PPARGC1A: variants seen among roughly 807,000 people sequenced by gnomAD.
PPARGC1A encodes the protein PPARG coactivator 1 alpha.
Under a neutral mutation model 88.7 loss-of-function variants are expected in PPARGC1A, and 25 were observed. That is an observed-to-expected ratio of 0.28 (90% confidence interval 0.21 to 0.39). PPARGC1A has a LOEUF of 0.39. Among genes scored for constraint, PPARGC1A ranks in the 10% least tolerant of loss-of-function variants. PPARGC1A has a pLI of 1.00. For missense variants in PPARGC1A, 880 were observed against 968.7 expected, an observed-to-expected ratio of 0.91 and a Z score of 1.22; for synonymous variants, 363 against 355.6, an observed-to-expected ratio of 1.02 and a Z score of -0.24.
chr4:24,159,185 C>G, the PPARGC1A span, among the ~76,000 whole-genome samples: 3 of 145,284 alleles, frequency 2.1e-5, no homozygotes, highest in Non-Finnish European at 4.5e-5. Flanking sequence ...ACATAAGAAA[C>G]TAAGGATCAA....
chr4:24,228,897 C>T, the PPARGC1A span, among the ~76,000 whole-genome samples: 1 of 152,164 alleles, frequency 6.6e-6, no homozygotes, highest in Non-Finnish European at 1.5e-5. Flanking sequence ...CAGTTATTGT[C>T]AGGGTTACTG....
chr4:24,232,225 A>G, the PPARGC1A span, among the ~76,000 whole-genome samples: 1 of 104,246 alleles, frequency 9.6e-6, no homozygotes, highest in African/African-American at 2.7e-5. Context: ...TTCTGGATTG[A>G]AAAAAAAAAT....
chr4:24,382,825 A>G, the PPARGC1A span, among the ~76,000 whole-genome samples: 1 of 152,188 alleles, frequency 6.6e-6, no homozygotes, highest in South Asian at 2.1e-4. Context: ...GCAGACTTAA[A>G]CGTTCCTGCT....
chr4:24,083,743 C>T, the PPARGC1A span, among the ~76,000 whole-genome samples: 4 of 152,196 alleles, frequency 2.6e-5, no homozygotes, highest in African/African-American at 7.2e-5. Flanking sequence ...ATCCCACATG[C>T]TTCTTCTGCT....
chr4:24,210,244 T>A, the PPARGC1A span, among the ~76,000 whole-genome samples: 2 of 152,226 alleles, frequency 1.3e-5, no homozygotes, highest in African/African-American at 4.8e-5. Flanking sequence ...AGATCACTGG[T>A]ATTAAAGTGC....
chr4:23,938,541 GGAGAGCA>G, the PPARGC1A span, among the ~76,000 whole-genome samples: 1 of 152,170 alleles, frequency 6.6e-6, no homozygotes, highest in Non-Finnish European at 1.5e-5. Flanking sequence ...GTACAATGAT[GGAGAGCA>G]GAGAATGATG....
At chr4:24,259,866 A>T in the PPARGC1A span, among the ~76,000 whole-genome samples, 1 of 152,194 alleles carries the variant, frequency 6.6e-6, no homozygotes, top group African/African-American at 2.4e-5. Flanking sequence ...GGAAAAAATT[A>T]AAACTCCACA....
At chr4:24,449,038 A>G in the PPARGC1A span, among the ~76,000 whole-genome samples, 16 of 152,186 alleles carry the variant, frequency 1.1e-4, no homozygotes, top group African/African-American at 1.7e-4. Flanking sequence ...TCCCTTTGAG[A>G]TGTTCTTTCA....
At chr4:24,337,688 C>T in the PPARGC1A span, among the ~76,000 whole-genome samples, 1 of 100,396 alleles carries the variant, frequency 1.0e-5, no homozygotes, top group Non-Finnish European at 1.9e-5. Flanking sequence ...TGCTCTTTTA[C>T]AAATGAAAAA....
the PPARGC1A span, among the ~76,000 whole-genome samples, chr4:24,287,053 T>C: frequency 1.3e-5 from 2 of 152,192 alleles, no homozygotes; most frequent in Non-Finnish European, 2.9e-5. Context: ...TTCTTTTAAC[T>C]GAGAGGTTCT....
the PPARGC1A span, among the ~76,000 whole-genome samples, chr4:24,082,157 T>C: frequency 6.6e-6 from 1 of 152,142 alleles, no homozygotes; most frequent in Admixed American, 6.5e-5. Context: ...TCCATTTCAG[T>C]TCAAAGCCCT....
the PPARGC1A span, among the ~76,000 whole-genome samples, chr4:24,302,648 C>T: frequency 6.6e-6 from 1 of 152,224 alleles, no homozygotes; most frequent in Non-Finnish European, 1.5e-5. Flanking sequence ...CCCACGGTCA[C>T]TTAGCGAGTC....
chr4:23,962,388 G>A, the PPARGC1A span, among the ~76,000 whole-genome samples: 5 of 152,172 alleles, frequency 3.3e-5, no homozygotes, highest in African/African-American at 7.2e-5. Context: ...TCAGAGAGCC[G>A]CAGAGAGTTC....
chr4:23,824,273 G>A lies in PPARGC1A; in HGVS notation c.877+7C>T. The A allele has an allele frequency of 1.9e-6, 3 of 1,609,360 alleles. No homozygotes were observed. The highest frequency in any genetic ancestry group is 2.6e-6 in the Non-Finnish European group (3 of 1,176,158). On this transcript the variant is annotated splice_region_variant and intron_variant, in intron 7 of 12. Coordinates refer to ENST00000264867, the MANE Select transcript of PPARGC1A (RefSeq NM_013261.5). ...CACACAAGTTCTAAGTGAAATATAA[G>A]GCTTACCTGCAGTTCCAGAGAGTTC...
chr4:24,407,369 G>C, the PPARGC1A span, among the ~76,000 whole-genome samples: 1 of 152,196 alleles, frequency 6.6e-6, no homozygotes, highest in African/African-American at 2.4e-5. Flanking sequence ...CGTCATCCCT[G>C]CCTCCTTTAC....
chr4:23,925,523 C>T, the PPARGC1A span, among the ~76,000 whole-genome samples: 9 of 152,018 alleles, frequency 5.9e-5, no homozygotes, highest in East Asian at 7.7e-4. Flanking sequence ...TTATAAGTGC[C>T]GCTCAAAATA....
the PPARGC1A span, among the ~76,000 whole-genome samples, chr4:23,967,980 T>C: frequency 6.6e-6 from 1 of 152,076 alleles, no homozygotes; most frequent in African/African-American, 2.4e-5. Flanking sequence ...AGGGAGAGAA[T>C]GTTTCAAGCC....
the PPARGC1A span, among the ~76,000 whole-genome samples, chr4:24,241,247 AAAC>A: frequency 6.6e-6 from 1 of 151,568 alleles, no homozygotes; most frequent in African/African-American, 2.4e-5. Context: ...CAAAACAAAC[AAAC>A]AAAAAGCTTA....
intron 2 of PPARGC1A, among the ~76,000 whole-genome samples, chr4:23,846,614 C>T (rs112613117): frequency 5.4e-4 from 82 of 152,256 alleles, no homozygotes; most frequent in African/African-American, 1.9e-3. Flanking sequence ...GAATCATGAT[C>T]TGTGCATCAA....
Sources: gnomAD v4.1 joint callset for allele counts (sites outside exome capture counted in the v4.1 genomes callset) on GRCh38, gnomAD v4.1.1 for gene constraint, MANE v1.5 for transcripts, NCBI Gene and HGNC (gene_info 2026-07-23, HGNC 2026-07-21) for gene names.